Variants in OTX2 observed in about 807,000 individuals in gnomAD.
OTX2 encodes the protein orthodenticle homeobox 2.
In OTX2, 4 loss-of-function variants were observed where a neutral mutation model predicts 29.0. That is an observed-to-expected ratio of 0.14 (90% CI 0.07 to 0.32). The LOEUF is 0.32. OTX2 is among the 10% of genes least tolerant of loss of function. OTX2 has a pLI of 1.00. For missense variants in OTX2, 298 were observed against 365.9 expected (o/e 0.81, Z 1.51); for synonymous variants, 134 against 141.0 (o/e 0.95, Z 0.35).
chr14:56,805,488 C>G lies in OTX2; in HGVS notation c.-32G>C. ...GTTGTTTGGAGGTGCAAAGTCGGCCCAAATCGGGGGTACCCAGCTGGAAGA... is the reference window on the plus strand; with the variant it reads ...GTTGTTTGGAGGTGCAAAGTCGGCCGAAATCGGGGGTACCCAGCTGGAAGA... On this transcript the variant is annotated 5_prime_UTR_variant, in exon 3 of 5. Transcript: ENST00000672264. 6.8e-7 allele frequency: 1 copy of G among 1,462,860 alleles called. No homozygotes were observed. The highest frequency in any genetic ancestry group is 9.6e-7 in the Non-Finnish European group (1 of 1,044,068). 90.6% of individuals were successfully genotyped at this position (1,462,860 alleles called of 1,614,324 possible). A position where few individuals can be genotyped will look rare whatever the true frequency, so the allele number is the denominator to read the frequency against.
chr14:56,810,055 G>A (rs1468540494), intron 2 of OTX2, 104 bp downstream of exon 2: 1 of 152,162 alleles, frequency 6.6e-6, no homozygotes, highest in African/African-American at 2.4e-5. Context: ...AGAACTCCAC[G>A]TTCGCAGAGG....
rs1033848381 is a variant in OTX2 at position 56,805,594 on chromosome 14, A to C, written c.-119-19T>G. ...AGTGGAACTAAGGGCAAAGCAAACAAACAAACAGAGGGGCTGGTTTACTGC... is the reference window on the plus strand; with the variant it reads ...AGTGGAACTAAGGGCAAAGCAAACACACAAACAGAGGGGCTGGTTTACTGC... On this transcript the variant is annotated intron_variant, in intron 2 of 4. Coordinates refer to ENST00000672264, the MANE Select transcript of OTX2 (RefSeq NM_021728.4). 2.9e-6 allele frequency: 2 copies of C among 687,482 alleles called. No individual in the cohort carries two copies. The highest frequency in any genetic ancestry group is 5.3e-6 in the Non-Finnish European group (2 of 375,050). The allele number at this position is 687,482 out of a possible 1,614,324, so 42.6% of individuals were successfully genotyped here. A position where few individuals can be genotyped will look rare whatever the true frequency, so the allele number is the denominator to read the frequency against.
chr14:56,804,486 C>T lies in OTX2; in HGVS notation c.98-123G>A. ...CCCTTCAGCCGGGAGCCTACCAATG[C>T]TCTCCCCACCGTCTCCCCAGCCTTG... is the stretch of plus-strand genomic sequence containing the variant. On this transcript the variant is annotated intron_variant, in intron 3 of 4. Transcript: ENST00000672264. The surrounding 1 kb of genome is among the most constrained non-coding windows in gnomAD (Gnocchi z 4.1). 1 of 891,184 alleles carries T rather than the reference C, an allele frequency of 1.1e-6. No homozygotes were observed. The highest frequency in any genetic ancestry group is 1.7e-6 in the Non-Finnish European group (1 of 597,442). The allele number at this position is 891,184 out of a possible 1,614,324, so 55.2% of individuals were successfully genotyped here.
rs556614831 is a variant in OTX2 at position 56,801,396 on chromosome 14, A to G, written c.*339T>C. On this transcript the variant is annotated 3_prime_UTR_variant, in exon 5 of 5. Transcript: ENST00000672264. This position sits in a 1 kb window ranked among gnomAD's most constrained non-coding sequence, Gnocchi z 4.2. ...AACACCTCTGCTTAAGAAGGCTATG[A>G]CCTTCCCTCCCTTCCTTCACAACTT... The G allele has an allele frequency of 5.5e-5, 20 of 361,606 alleles. No individual in the cohort carries two copies. Among genetic ancestry groups the G allele is most frequent in the Admixed American group, 2.9e-4 (7 of 24,376 alleles). The allele number at this position is 361,606 out of a possible 1,614,324, so 22.4% of individuals were successfully genotyped here.
At chr14:56,806,336 T>C (rs1393632307) in intron 2 of OTX2, among the ~76,000 whole-genome samples, 2 of 152,264 alleles carry the variant, frequency 1.3e-5, no homozygotes, top group Non-Finnish European at 1.5e-5. Context: ...CTTGATTATA[T>C]GTGTCTAAGG....
In OTX2 at chr14:56,802,178, C is replaced by T. The variant is rs770486100; in HGVS notation, c.451G>A (p.Ala151Thr). The T allele has an allele frequency of 1.9e-6, 3 of 1,613,916 alleles. No homozygotes were observed. In the African/African-American group the frequency reaches 4.0e-5, roughly 22 times the overall value. The stretch of plus-strand genomic sequence containing the variant: ...ATAGACACAGGAGCACTGCTGCTGG[C>T]AATGGTCGGGACTGAGGTGCTAGAG... ...PPSSTSVPTIASSSAPVSIWS... is the reference protein window; with the variant it reads ...PPSSTSVPTITSSSAPVSIWS... Residue 151 changes from alanine (A) to threonine (T), a missense_variant, in exon 5 of 5, where the codon GCC becomes ACC. Ala to Thr is a moderately conservative substitution (Grantham distance 58, BLOSUM62 0). This residue lies in a region of OTX2 where 219 missense variants were observed against 223.5 expected (regional missense o/e 0.98). Transcript: ENST00000672264. The surrounding 1 kb of genome is among the most constrained non-coding windows in gnomAD (Gnocchi z 4.4).
At position 56,804,841 on chromosome 14, in the gene OTX2, G is replaced by T. The variant is rs868313188; in HGVS notation, c.98-478C>A. ...CCTGGGAGGATTTTTAAACATATCT[G>T]ATTGGAAAGGAAAGCACCCGCATTT... On this transcript the variant is annotated intron_variant, in intron 3 of 4. Transcript: ENST00000672264. This position sits in a 1 kb window ranked among gnomAD's most constrained non-coding sequence, Gnocchi z 4.1. 6.6e-6 allele frequency among the ~76,000 whole-genome samples: 1 copy of T among 150,532 alleles called. No homozygotes were observed. The highest frequency in any genetic ancestry group is 3.4e-3 in the Middle Eastern group (1 of 294).
rs1196562062 is a variant in OTX2 at position 56,805,522 on chromosome 14, C to T, written c.-66G>A. On this transcript the variant is annotated 5_prime_UTR_variant, in exon 3 of 5. Coordinates refer to ENST00000672264, the MANE Select transcript of OTX2 (RefSeq NM_021728.4). ...GGTACCCAGCTGGAAGATCTTGATG[C>T]GCCCGGGGTGGACAGGTTCAGAGTC... 14 of 1,006,630 alleles carry T rather than the reference C, an allele frequency of 1.4e-5. No individual in the cohort carries two copies. Among genetic ancestry groups the T allele is most frequent in the Non-Finnish European group, 1.9e-5 (12 of 638,530 alleles). 62.4% of individuals were successfully genotyped at this position (1,006,630 alleles called of 1,614,324 possible). A position where few individuals can be genotyped will look rare whatever the true frequency, so the allele number is the denominator to read the frequency against.
In OTX2 at chr14:56,804,390, G is replaced by T. The variant is rs942782483; in HGVS notation, c.98-27C>A. On this transcript the variant is annotated intron_variant, in intron 3 of 4. Transcript: ENST00000672264. The surrounding 1 kb of genome is among the most constrained non-coding windows in gnomAD (Gnocchi z 4.1). The stretch of plus-strand genomic sequence containing the variant: ...TTTAGGGTGGGGGAGCAGTTTCTCA[G>T]TCATAGGCGTTTCCGCGGGTTCTCC... The T allele has an allele frequency of 1.9e-6, 3 of 1,599,300 alleles. No individual in the cohort carries two copies. Among genetic ancestry groups the T allele is most frequent in the Non-Finnish European group, 2.6e-6 (3 of 1,171,120 alleles).
Position 56,804,127 on chromosome 14 carries a change from GT to G in OTX2, c.273+60del. The G allele has an allele frequency of 6.3e-7, 1 of 1,580,388 alleles. No individual in the cohort carries two copies. The highest frequency in any genetic ancestry group is 1.7e-4 in the Middle Eastern group (1 of 6,008). ...TCTGAAAGACCTGGGGCTCTCCACA[GT>G]CCCATACTCGGGAAGGGTGGCATGA... On this transcript the variant is annotated intron_variant, in intron 4 of 4. Coordinates refer to ENST00000672264, the MANE Select transcript of OTX2 (RefSeq NM_021728.4). The surrounding 1 kb of genome is among the most constrained non-coding windows in gnomAD (Gnocchi z 4.1).
Position 56,800,352 on chromosome 14 carries a change from CAG to C in OTX2, c.*1381_*1382del, listed in dbSNP as rs1398578847. On this transcript the variant is annotated 3_prime_UTR_variant, in exon 5 of 5. Transcript: ENST00000672264. ...GAAATTCTTGTCATTCTCATGTTTT[CAG>C]AGATACTCCAATTCTCCTCCTCCCT... 1.3e-5 allele frequency: 2 copies of C among 151,980 alleles called. No individual in the cohort carries two copies. The highest frequency in any genetic ancestry group is 3.9e-4 in the East Asian group (2 of 5,164). 9.4% of individuals were successfully genotyped at this position (151,980 alleles called of 1,614,324 possible).
rs912005555 is a variant in OTX2 at position 56,800,763 on chromosome 14, G to A, written c.*972C>T. On this transcript the variant is annotated 3_prime_UTR_variant, in exon 5 of 5. Transcript: ENST00000672264. ...ATATCTGCCAAATCCAGGAAGAAAA[G>A]GTTTATGCATATATAACTTTTCCAT... 8 of 152,608 alleles carry A rather than the reference G, an allele frequency of 5.2e-5. No individual in the cohort carries two copies. Among genetic ancestry groups the A allele is most frequent in the African/African-American group, 1.9e-4 (8 of 41,510 alleles). 9.5% of individuals were successfully genotyped at this position (152,608 alleles called of 1,614,324 possible).
At chr14:56,810,273 C>T (rs1364975769) in intron 1 of OTX2, 51 bp from the exon 2 acceptor site, 1 of 152,190 alleles carries the variant, frequency 6.6e-6, no homozygotes, top group African/African-American at 2.4e-5. Context: ...CTTCACCCTT[C>T]CATGAAAAGT....
Position 56,809,760 on chromosome 14 carries a change from G to A in OTX2, c.-120+399C>T, listed in dbSNP as rs191369982. Among the ~76,000 whole-genome samples the A allele has an allele frequency of 2.2e-3, 332 of 152,294 alleles. 1 individual carries two copies. The highest frequency in any genetic ancestry group is 7.6e-3 in the African/African-American group (315 of 41,550). Reference sequence around the variant, plus strand: ...TCTCGGACTCTAAAAAGGTCCCTGGGATCCATCCAAACGACCCCAACCAAA... The same window carrying A: ...TCTCGGACTCTAAAAAGGTCCCTGGAATCCATCCAAACGACCCCAACCAAA... On this transcript the variant is annotated intron_variant, in intron 2 of 4. Coordinates refer to ENST00000672264, the MANE Select transcript of OTX2 (RefSeq NM_021728.4).
In OTX2 at chr14:56,805,435, G is replaced by T; in HGVS notation, c.22C>A (p.Pro8Thr). ...CTCAGCCCATTGACTGCGTAAGGCG[G>T]TTGCTTAAGATAAGACATCATGCTA... is the stretch of plus-strand genomic sequence containing the variant. MMSYLKQ[P>T]PYAVNGLSLT... Residue 8 changes from proline to threonine, a missense_variant, in exon 3 of 5, where the codon CCG becomes ACG. Transcript: ENST00000672264. 6.2e-7 allele frequency: 1 copy of T among 1,613,674 alleles called. No homozygotes were observed. Among genetic ancestry groups the T allele is most frequent in the Non-Finnish European group, 8.5e-7 (1 of 1,179,590 alleles).
intron 3 of OTX2, among the ~76,000 whole-genome samples, chr14:56,805,002 A>C (rs1344598919): frequency 1.3e-5 from 2 of 152,180 alleles, no homozygotes; most frequent in Non-Finnish European, 2.9e-5. Context: ...CCAAGAGGAC[A>C]CTTCTGAGGA....
chr14:56,801,232 A>G lies in OTX2; in HGVS notation c.*503T>C, dbSNP rs903304073. ...CATTATTTTTTAAATAAAGTAGTGC[A>G]TCTAGGACAATCAGTCACACAATTC... On this transcript the variant is annotated 3_prime_UTR_variant, in exon 5 of 5. Coordinates refer to ENST00000672264, the MANE Select transcript of OTX2 (RefSeq NM_021728.4). This position sits in a 1 kb window ranked among gnomAD's most constrained non-coding sequence, Gnocchi z 4.2. The G allele has an allele frequency of 9.6e-6, 2 of 207,494 alleles. No individual in the cohort carries two copies. Among genetic ancestry groups the G allele is most frequent in the Non-Finnish European group, 2.0e-5 (2 of 101,456 alleles). The allele number at this position is 207,494 out of a possible 1,614,324, so 12.9% of individuals were successfully genotyped here. A position where few individuals can be genotyped will look rare whatever the true frequency, so the allele number is the denominator to read the frequency against.
In OTX2 at chr14:56,802,775, T is replaced by C. The variant is rs933472839; in HGVS notation, c.274-420A>G. 4.6e-5 allele frequency among the ~76,000 whole-genome samples: 7 copies of C among 152,178 alleles called. No individual in the cohort carries two copies. The highest frequency in any genetic ancestry group is 8.8e-5 in the Non-Finnish European group (6 of 68,034). Reference sequence around the variant, plus strand: ...AAGTGAGAGAAAGCAATTCTGTTGTTACAGGCTAACAGGAACAGCCTAAAT... The same window carrying C: ...AAGTGAGAGAAAGCAATTCTGTTGTCACAGGCTAACAGGAACAGCCTAAAT... On this transcript the variant is annotated intron_variant, in intron 4 of 4. Coordinates refer to ENST00000672264, the MANE Select transcript of OTX2 (RefSeq NM_021728.4). This position sits in a 1 kb window ranked among gnomAD's most constrained non-coding sequence, Gnocchi z 4.4.
At position 56,804,429 on chromosome 14, in the gene OTX2, T is replaced by C; in HGVS notation, c.98-66A>G. The C allele has an allele frequency of 2.1e-6, 3 of 1,450,666 alleles. No individual in the cohort carries two copies. The highest frequency in any genetic ancestry group is 2.8e-6 in the Non-Finnish European group (3 of 1,065,636). 89.9% of individuals were successfully genotyped at this position (1,450,666 alleles called of 1,614,324 possible). ...CGCGGGTTCTCCGACGCCCCTGCCC[T>C]CCACCCCGCAGCAGTCCCCCGTTCC... On this transcript the variant is annotated intron_variant, in intron 3 of 4. Transcript: ENST00000672264. This position sits in a 1 kb window ranked among gnomAD's most constrained non-coding sequence, Gnocchi z 4.1.
Sources: gnomAD v4.1 joint callset for allele counts (sites outside exome capture counted in the v4.1 genomes callset) on GRCh38, gnomAD v4.1.1 for gene constraint, gnomAD v4.1.1 regional missense constraint, Gnocchi (gnomAD v3.1) non-coding constraint, MANE v1.5 for transcripts, NCBI Gene and HGNC (gene_info 2026-07-23, HGNC 2026-07-21) for gene names.